Variants in FNBP1L observed in about 807,000 individuals in gnomAD.
FNBP1L encodes formin binding protein 1 like, also known as formin-binding protein 1-like.
In FNBP1L, 36 loss-of-function variants were observed where a neutral mutation model predicts 91.2. The observed-to-expected ratio is 0.39, with a 90% confidence interval of 0.30 to 0.52. FNBP1L has a LOEUF of 0.52. FNBP1L is among the 20% of genes least tolerant of loss of function. FNBP1L has a pLI of 0.66. For synonymous variants in FNBP1L, 242 were observed against 237.0 expected (o/e 1.02, Z -0.19); for missense variants, 571 against 732.1 (o/e 0.78, Z 2.54).
rs184840548 is a variant in FNBP1L at position 93,532,427 on chromosome 1, A to G, written c.640-495A>G. Reference sequence around the variant, plus strand: ...GGTTGCAGTGAGCCGAGATCGCGCAACTGCACTCCATCCAGCCTGGCGACA... The same window carrying G: ...GGTTGCAGTGAGCCGAGATCGCGCAGCTGCACTCCATCCAGCCTGGCGACA... On this transcript the variant is annotated intron_variant, in intron 7 of 16. Transcript: ENST00000271234. Among the ~76,000 whole-genome samples, 152 of 145,100 alleles carry G rather than the reference A, an allele frequency of 1.0e-3. 1 individual carries two copies. The highest frequency in any genetic ancestry group is 8.1e-3 in the East Asian group (38 of 4,692).
chr1:93,519,021 C>T (rs1671227433), intron 2 of FNBP1L, among the ~76,000 whole-genome samples: 1 of 152,184 alleles, frequency 6.6e-6, no homozygotes, highest in Non-Finnish European at 1.5e-5. Context: ...AGTTTGCTAA[C>T]CATGACTCGT....
intron 2 of FNBP1L, among the ~76,000 whole-genome samples, chr1:93,511,695 G>A (rs1383070621): frequency 2.6e-5 from 4 of 152,142 alleles, no homozygotes; most frequent in African/African-American, 7.2e-5. Context: ...GGCCGGGTGC[G>A]GTGGCTCACG....
chr1:93,450,187 T>C (rs922118519), intron 1 of FNBP1L, among the ~76,000 whole-genome samples: 10 of 152,136 alleles, frequency 6.6e-5, no homozygotes, highest in Admixed American at 5.2e-4. Flanking sequence ...TTTAAACTTA[T>C]GGTACTACCT....
chr1:93,522,338 A>G (rs546988250), intron 3 of FNBP1L, among the ~76,000 whole-genome samples: 7 of 152,118 alleles, frequency 4.6e-5, no homozygotes, highest in Non-Finnish European at 8.8e-5. Context: ...GTTTTCTAGA[A>G]TAGTCAGATA....
intron 15 of FNBP1L, 29 bp downstream of exon 15, chr1:93,549,455 A>T (rs1557823702): frequency 2.0e-6 from 3 of 1,498,068 alleles, no homozygotes. Flanking sequence ...TATTGTATGT[A>T]AAAAAATTGG....
At chr1:93,512,890 A>G (rs1670912886) in intron 2 of FNBP1L, among the ~76,000 whole-genome samples, 1 of 152,148 alleles carries the variant, frequency 6.6e-6, no homozygotes, top group Non-Finnish European at 1.5e-5. Flanking sequence ...AACACATTCA[A>G]AAGCTAGCAG....
chr1:93,456,602 C>CAAAAAA (rs60167572), intron 1 of FNBP1L, among the ~76,000 whole-genome samples: 1 of 53,372 alleles, frequency 1.9e-5, no homozygotes, highest in Non-Finnish European at 4.3e-5. Context: ...CCTTCTCTAC[C>CAAAAAA]AAAAAAAAAA....
intron 2 of FNBP1L, among the ~76,000 whole-genome samples, chr1:93,504,243 T>A (rs1250131883): frequency 1.3e-5 from 2 of 152,234 alleles, no homozygotes; most frequent in Admixed American, 1.3e-4. Flanking sequence ...CAGCTTTCTA[T>A]TAATACTGGA....
intron 1 of FNBP1L, among the ~76,000 whole-genome samples, chr1:93,484,120 G>T (rs1669815433): frequency 6.6e-6 from 1 of 152,112 alleles, no homozygotes; most frequent in Non-Finnish European, 1.5e-5. Context: ...GTAGAGATGG[G>T]GTTTCACTAT....
chr1:93,508,567 G>A (rs1008898645), intron 2 of FNBP1L, among the ~76,000 whole-genome samples: 1 of 152,110 alleles, frequency 6.6e-6, no homozygotes, highest in African/African-American at 2.4e-5. Flanking sequence ...TACATACAGG[G>A]AGGCAAGAGG....
chr1:93,547,104 T>C, intron 13 of FNBP1L, 130 bp downstream of exon 13: 3 of 1,121,260 alleles, frequency 2.7e-6, no homozygotes, highest in Non-Finnish European at 2.5e-6. Context: ...AAAAGTATTA[T>C]TGTGATGTGT....
At chr1:93,461,374 G>A (rs1490286490) in intron 1 of FNBP1L, among the ~76,000 whole-genome samples, 4 of 151,962 alleles carry the variant, frequency 2.6e-5, no homozygotes, top group Admixed American at 6.6e-5. Flanking sequence ...TCTTAATCAG[G>A]TGCTTAAACA....
intron 2 of FNBP1L, among the ~76,000 whole-genome samples, chr1:93,513,786 A>G (rs191933736): frequency 2.0e-5 from 3 of 152,360 alleles, no homozygotes; most frequent in Admixed American, 1.3e-4. Flanking sequence ...AATAAGAGCT[A>G]TCTACAACAA....
chr1:93,510,125 C>G (rs1000255357), intron 2 of FNBP1L, among the ~76,000 whole-genome samples: 8 of 152,322 alleles, frequency 5.3e-5, no homozygotes, highest in African/African-American at 1.9e-4. Context: ...TCAAGGAGGC[C>G]TGCCTGCCTC....
intron 2 of FNBP1L, among the ~76,000 whole-genome samples, chr1:93,520,097 A>G (rs776189982): frequency 3.9e-5 from 6 of 152,128 alleles, no homozygotes; most frequent in Non-Finnish European, 5.9e-5. Flanking sequence ...TATCTTTATC[A>G]TAGCACTTAC....
intron 1 of FNBP1L, among the ~76,000 whole-genome samples, chr1:93,456,283 A>G (rs983295406): frequency 3.9e-5 from 6 of 152,218 alleles, no homozygotes; most frequent in Non-Finnish European, 7.3e-5. Context: ...TTCTTGATAA[A>G]TAACTAATCA....
At chr1:93,465,905 G>C (rs893068336) in intron 1 of FNBP1L, among the ~76,000 whole-genome samples, 1 of 152,174 alleles carries the variant, frequency 6.6e-6, no homozygotes, top group African/African-American at 2.4e-5. Context: ...TCCAAATGGC[G>C]TGAGATAGTA....
chr1:93,507,949 T>G (rs1365581866), intron 2 of FNBP1L, among the ~76,000 whole-genome samples: 2 of 149,834 alleles, frequency 1.3e-5, no homozygotes, highest in Admixed American at 6.6e-5. Context: ...ACCCCTGGCC[T>G]AGTTTTTTTT....
chr1:93,481,176 T>A (rs957563044), intron 1 of FNBP1L, among the ~76,000 whole-genome samples: 5 of 152,320 alleles, frequency 3.3e-5, no homozygotes, highest in African/African-American at 1.2e-4. Context: ...AGTGTTTCTA[T>A]GTGTAGAACA....
Sources: gnomAD v4.1 joint callset for allele counts (sites outside exome capture counted in the v4.1 genomes callset) on GRCh38, gnomAD v4.1.1 for gene constraint, MANE v1.5 for transcripts, NCBI Gene and HGNC (gene_info 2026-07-23, HGNC 2026-07-21) for gene names.